The following SLC25A12 variants were observed in gnomAD, a reference collection of about 807,000 sequenced individuals.
SLC25A12 encodes the protein solute carrier family 25 member 12, also known as electrogenic aspartate/glutamate antiporter SLC25A12, mitochondrial.
Under a neutral mutation model 83.3 loss-of-function variants are expected in SLC25A12, and 32 were observed. The observed-to-expected ratio is 0.38, with a 90% CI of 0.29 to 0.52. The LOEUF is 0.52. Among genes scored for constraint, SLC25A12 ranks in the 20% least tolerant of loss-of-function variants. The pLI is 0.84. For missense variants in SLC25A12, 611 were observed against 835.6 expected, an observed-to-expected ratio of 0.73 and a Z score of 3.31; for synonymous variants, 267 against 291.1, an observed-to-expected ratio of 0.92 and a Z score of 0.84.
chr2:171,891,597 C>T (rs993788177), intron 2 of SLC25A12, among the ~76,000 whole-genome samples: 2 of 152,194 alleles, frequency 1.3e-5, no homozygotes, highest in Non-Finnish European at 2.9e-5. Context: ...TACTCAGATA[C>T]CTAGGCAGTA....
At chr2:171,834,587 G>A in intron 7 of SLC25A12, 140 bp downstream of exon 7, 1 of 956,504 alleles carries the variant, frequency 1.0e-6, no homozygotes, top group South Asian at 1.5e-5. Flanking sequence ...GATTTTTGGA[G>A]CCCAAGTAAA....
chr2:171,889,109 G>T (rs1250170323), intron 2 of SLC25A12, among the ~76,000 whole-genome samples: 2 of 151,982 alleles, frequency 1.3e-5, no homozygotes, highest in African/African-American at 4.8e-5. Context: ...TTCAATTGGA[G>T]ATATCACTTA....
chr2:171,834,127 A>G lies in SLC25A12; in HGVS notation c.752-71T>C. 4.7e-6 allele frequency: 4 copies of G among 854,390 alleles called. No homozygotes were observed. In the South Asian group the frequency reaches 5.5e-5, roughly 12 times the overall value. 52.9% of individuals were successfully genotyped at this position (854,390 alleles called of 1,614,324 possible). A position where few individuals can be genotyped will look rare whatever the true frequency, so the allele number is the denominator to read the frequency against. ...ATATAACAAAGTTCTACCTTCACCA[A>G]CTATAATATAACCTGAAAGCTATAG... On this transcript the variant is annotated intron_variant, in intron 7 of 17. Coordinates refer to ENST00000422440, the MANE Select transcript of SLC25A12 (RefSeq NM_003705.5).
chr2:171,834,612 G>T, intron 7 of SLC25A12, 115 bp downstream of exon 7: 2 of 1,194,088 alleles, frequency 1.7e-6, no homozygotes, highest in Non-Finnish European at 2.4e-6. Context: ...ACATACACAT[G>T]GTAACATACT....
At chr2:171,788,268 T>C (rs540480328) in intron 15 of SLC25A12, 17 of 240,174 alleles carry the variant, frequency 7.1e-5, no homozygotes, top group Non-Finnish European at 1.3e-4. Flanking sequence ...TCAGTTTCAA[T>C]TATTTTACCT....
At chr2:171,810,066 T>C (rs1683918384) in intron 12 of SLC25A12, among the ~76,000 whole-genome samples, 158 bp downstream of exon 12, 3 of 152,230 alleles carry the variant, frequency 2.0e-5, no homozygotes, top group Admixed American at 2.0e-4. Flanking sequence ...GAGTTCTTAC[T>C]ATGCTTATGC....
intron 5 of SLC25A12, among the ~76,000 whole-genome samples, chr2:171,841,057 G>A (rs1684662190): frequency 6.6e-6 from 1 of 152,096 alleles, no homozygotes; most frequent in South Asian, 2.1e-4. Flanking sequence ...GCATAATGGT[G>A]GAACAAGAGG....
At chr2:171,857,288 T>C (rs1685065850) in intron 3 of SLC25A12, among the ~76,000 whole-genome samples, 2 of 152,218 alleles carry the variant, frequency 1.3e-5, no homozygotes, top group African/African-American at 2.4e-5. Flanking sequence ...GGAGGATTGC[T>C]TGAGCCCAGG....
At position 171,855,931 on chromosome 2, in the gene SLC25A12, C is replaced by T. The variant is rs752292013; in HGVS notation, c.228G>A (p.Glu76=). The T allele has an allele frequency of 3.1e-6, 5 of 1,605,062 alleles. No individual in the cohort carries two copies. The highest frequency in any genetic ancestry group is 4.3e-6 in the Non-Finnish European group (5 of 1,171,778). ...ATAAAACAGATTCAAATGCCAAAAACTCTTGATAGGAGATCAACCTGGAAT... is the reference window on the plus strand; with the variant it reads ...ATAAAACAGATTCAAATGCCAAAAATTCTTGATAGGAGATCAACCTGGAAT... The part of the protein sequence containing the change: ...QTKDGLISYQ[E]FLAFESVLCA... The change falls in exon 4 of 18, where the codon GAG becomes GAA. Residue 76 remains glutamate, a synonymous_variant. Transcript: ENST00000422440.
intron 13 of SLC25A12, among the ~76,000 whole-genome samples, chr2:171,803,814 C>A (rs894781368): frequency 2.4e-4 from 18 of 76,194 alleles, no homozygotes; most frequent in African/African-American, 9.9e-4. Context: ...AAAAAATACA[C>A]ACACACACAC....
intron 9 of SLC25A12, among the ~76,000 whole-genome samples, chr2:171,817,011 A>G (rs529314203): frequency 1.8e-4 from 27 of 152,120 alleles, no homozygotes; most frequent in Admixed American, 6.5e-4. Context: ...CATTATAAGA[A>G]AAGACACAAG....
intron 2 of SLC25A12, among the ~76,000 whole-genome samples, chr2:171,876,266 A>G (rs75089259): frequency 0.025 from 3,787 of 152,304 alleles, 59 homozygotes; most frequent in Middle Eastern, 0.041. Flanking sequence ...GGAAAAAAGC[A>G]TAAGTTTTCT....
Position 171,834,070 on chromosome 2 carries a change from A to G in SLC25A12, c.752-14T>C, listed in dbSNP as rs747078612. ...GGGCAAATTCCTCTGGAACAGAGAA[A>G]AAAAAAGTTAAAATCTTGAATGATT... is the stretch of plus-strand genomic sequence containing the variant. On this transcript the variant is annotated splice_polypyrimidine_tract_variant and intron_variant, in intron 7 of 17. Coordinates refer to ENST00000422440, the MANE Select transcript of SLC25A12 (RefSeq NM_003705.5). 21 of 1,456,594 alleles carry G rather than the reference A, an allele frequency of 1.4e-5. No individual in the cohort carries two copies. Among genetic ancestry groups the G allele is most frequent in the African/African-American group, 5.6e-5 (4 of 71,788 alleles). The allele number at this position is 1,456,594 out of a possible 1,614,324, so 90.2% of individuals were successfully genotyped here.
chr2:171,866,811 G>A (rs1440206307), intron 3 of SLC25A12, among the ~76,000 whole-genome samples: 6 of 147,192 alleles, frequency 4.1e-5, no homozygotes, highest in Admixed American at 4.0e-4. Flanking sequence ...GCCTGGCGGG[G>A]GCTGACCCCC....
At chr2:171,856,053 T>G (rs1685038715) in intron 3 of SLC25A12, 104 bp from the exon 4 acceptor site, 1 of 752,632 alleles carries the variant, frequency 1.3e-6, no homozygotes, top group East Asian at 2.5e-5. Context: ...AACCAAATAA[T>G]TGATAAAGGG....
chr2:171,820,038 C>T (rs1684150487), intron 9 of SLC25A12, among the ~76,000 whole-genome samples: 1 of 151,928 alleles, frequency 6.6e-6, no homozygotes, highest in Admixed American at 6.6e-5. Flanking sequence ...ATTATGAACA[C>T]AAAGAAGGAA....
At chr2:171,866,097 G>A (rs567855026) in intron 3 of SLC25A12, among the ~76,000 whole-genome samples, 6 of 126,830 alleles carry the variant, frequency 4.7e-5, no homozygotes, top group Admixed American at 8.3e-5. Flanking sequence ...ATCTTGCACC[G>A]CCCTTAATCC....
chr2:171,888,330 C>G (rs1685865282), intron 2 of SLC25A12, among the ~76,000 whole-genome samples: 1 of 151,800 alleles, frequency 6.6e-6, no homozygotes, highest in South Asian at 2.1e-4. Flanking sequence ...AACTCCTGGC[C>G]TCAAGTGATC....
In SLC25A12 at chr2:171,787,954, G is replaced by A; in HGVS notation, c.1586-7C>T. 1.9e-6 allele frequency: 3 copies of A among 1,614,092 alleles called. No homozygotes were observed. Among genetic ancestry groups the A allele is most frequent in the African/African-American group, 1.3e-5 (1 of 75,016 alleles). Reference sequence around the variant, plus strand: ...AGAGATGCAGCTGGGACACCTTTCAGGAGAAAACCACATTTAATTTATCTA... The same window carrying A: ...AGAGATGCAGCTGGGACACCTTTCAAGAGAAAACCACATTTAATTTATCTA... On this transcript the variant is annotated splice_polypyrimidine_tract_variant and splice_region_variant and intron_variant, in intron 15 of 17. Transcript: ENST00000422440.
Sources: gnomAD v4.1 joint callset for allele counts (sites outside exome capture counted in the v4.1 genomes callset) on GRCh38, gnomAD v4.1.1 for gene constraint, MANE v1.5 for transcripts, NCBI Gene and HGNC (gene_info 2026-07-23, HGNC 2026-07-21) for gene names.